The following PIK3CD variants were observed in gnomAD, a reference collection of about 807,000 sequenced individuals.
The protein encoded by PIK3CD is phosphatidylinositol 4,5-bisphosphate 3-kinase catalytic subunit delta isoform.
PIK3CD carries 20 observed loss-of-function variants against 122.9 expected under a neutral mutation model. The ratio of observed to expected loss-of-function variants is 0.16; its 90% CI spans 0.11 to 0.24. The LOEUF is 0.24. PIK3CD is among the 10% of genes least tolerant of loss of function. The pLI, the probability that PIK3CD is intolerant of heterozygous loss-of-function variation, is 1.00. For missense variants in PIK3CD, 787 were observed against 1,406.3 expected, an observed-to-expected ratio of 0.56 and a Z score of 7.04; for synonymous variants, 596 against 593.4, an observed-to-expected ratio of 1.00 and a Z score of -0.06.
chr1:9,678,585 G>A (rs944165849), intron 1 of PIK3CD, among the ~76,000 whole-genome samples: 2 of 152,156 alleles, frequency 1.3e-5, no homozygotes, highest in African/African-American at 4.8e-5. Context: ...TCCAGAAAAA[G>A]GCTCTTTCAT....
At position 9,720,323 on chromosome 1, in the gene PIK3CD, T is replaced by C; in HGVS notation, c.1470+81T>C. Reference sequence around the variant, plus strand: ...CCTGCTCCTGGAGCTCTTCAGAGGGTGCTCCCTGGCCACGTCGGGGCTGGG... The same window carrying C: ...CCTGCTCCTGGAGCTCTTCAGAGGGCGCTCCCTGGCCACGTCGGGGCTGGG... On this transcript the variant is annotated intron_variant, in intron 11 of 23. Coordinates refer to ENST00000377346, the MANE Select transcript of PIK3CD (RefSeq NM_005026.5). This position sits in a 1 kb window ranked among gnomAD's most constrained non-coding sequence, Gnocchi z 9.0. 6.6e-7 allele frequency: 1 copy of C among 1,516,262 alleles called. No individual in the cohort carries two copies. The highest frequency in any genetic ancestry group is 8.9e-7 in the Non-Finnish European group (1 of 1,123,384). 93.9% of individuals were successfully genotyped at this position (1,516,262 alleles called of 1,614,324 possible). A position where few individuals can be genotyped will look rare whatever the true frequency, so the allele number is the denominator to read the frequency against.
chr1:9,697,063 C>CAAA (rs60416744), intron 2 of PIK3CD, among the ~76,000 whole-genome samples: 2 of 76,980 alleles, frequency 2.6e-5, no homozygotes, highest in Non-Finnish European at 2.8e-5. Flanking sequence ...GATCCTGTCT[C>CAAA]AAAAAAAAAA....
chr1:9,629,985 G>A, the PIK3CD span, among the ~76,000 whole-genome samples: 3 of 152,232 alleles, frequency 2.0e-5, no homozygotes, highest in East Asian at 5.8e-4. Context: ...AGGCGCCCAG[G>A]ACACCACGAG....
chr1:9,636,647 T>G, the PIK3CD span, among the ~76,000 whole-genome samples: 3,903 of 152,308 alleles, frequency 0.026, 148 homozygotes, highest in African/African-American at 0.086. Context: ...AGGCAGCGGC[T>G]GGCCCTCCAG....
At chr1:9,659,039 A>G (rs2100795043) in intron 1 of PIK3CD, among the ~76,000 whole-genome samples, 1 of 152,314 alleles carries the variant, frequency 6.6e-6, no homozygotes, top group Non-Finnish European at 1.5e-5. Flanking sequence ...CTCTAGCCCA[A>G]CACAGCGGTT....
the PIK3CD span, among the ~76,000 whole-genome samples, chr1:9,645,270 C>T: frequency 5.3e-5 from 8 of 151,808 alleles, no homozygotes; most frequent in African/African-American, 1.5e-4. Flanking sequence ...CCACCTGCCT[C>T]GGCCTCCCAA....
the PIK3CD span, among the ~76,000 whole-genome samples, chr1:9,641,663 G>A: frequency 1.3e-5 from 2 of 152,034 alleles, no homozygotes; most frequent in Non-Finnish European, 2.9e-5. Context: ...TCAAGTATAA[G>A]GGGCACCATC....
In PIK3CD at chr1:9,721,658, C is replaced by T. The variant is rs1240789541; in HGVS notation, c.1955+71C>T. On this transcript the variant is annotated intron_variant, in intron 15 of 23. Coordinates refer to ENST00000377346, the MANE Select transcript of PIK3CD (RefSeq NM_005026.5). ...AGTCTCCCTGGAAGGCCACTGGGGA[C>T]GTTTCCAGCAGGCCTGGGTGTCCTG... is the stretch of plus-strand genomic sequence containing the variant. 41 of 1,607,584 alleles carry T rather than the reference C, an allele frequency of 2.6e-5. No individual in the cohort carries two copies. The East Asian group carries it at 3.6e-4, about 14-fold the overall frequency.
At chr1:9,713,852 A>G (rs1163379303) in intron 3 of PIK3CD, among the ~76,000 whole-genome samples, 2 of 128,080 alleles carry the variant, frequency 1.6e-5, no homozygotes, top group Admixed American at 1.6e-4. Context: ...TTATTTTTAT[A>G]CTTTTTTTTT....
At chr1:9,712,556 C>T (rs1352169832) in intron 3 of PIK3CD, among the ~76,000 whole-genome samples, 1 of 152,080 alleles carries the variant, frequency 6.6e-6, no homozygotes, top group Admixed American at 6.5e-5. Flanking sequence ...GCTGGGATTA[C>T]AGCCGTGAGC....
rs199710909 is a variant in PIK3CD, at chr1:9,724,446, A to G, written c.2864+25A>G. The G allele has an allele frequency of 2.1e-5, 34 of 1,613,610 alleles. No individual in the cohort carries two copies. Among genetic ancestry groups the G allele is most frequent in the Non-Finnish European group, 2.7e-5 (32 of 1,179,882 alleles). On this transcript the variant is annotated intron_variant, in intron 22 of 23. Transcript: ENST00000377346. This position sits in a 1 kb window ranked among gnomAD's most constrained non-coding sequence, Gnocchi z 7.3. ...GGTGAGAGTGCCTGAGCCCCACCAG[A>G]TGCCCCTCGGTGTGGGGCCCCAGGG...
In PIK3CD at chr1:9,727,436, C is replaced by T. The variant is rs755463400; in HGVS notation, c.*390C>T. On this transcript the variant is annotated 3_prime_UTR_variant, in exon 24 of 24. Transcript: ENST00000377346. ...CTGGCGGTCACCTGGTGCCTACTGT[C>T]CGACAGGATGCCTTGATCCTCGTGC... is the stretch of plus-strand genomic sequence containing the variant. 2.4e-6 allele frequency: 1 copy of T among 408,234 alleles called. No homozygotes were observed. The highest frequency in any genetic ancestry group is 4.6e-6 in the Non-Finnish European group (1 of 215,772). 25.3% of individuals were successfully genotyped at this position (408,234 alleles called of 1,614,324 possible).
chr1:9,705,185 A>G (rs1297180020), intron 2 of PIK3CD, among the ~76,000 whole-genome samples: 1 of 151,932 alleles, frequency 6.6e-6, no homozygotes, highest in African/African-American at 2.4e-5. Context: ...ACTTCTACTC[A>G]CCAGGCTGGG....
At chr1:9,692,687 A>G (rs1273481933) in intron 2 of PIK3CD, among the ~76,000 whole-genome samples, 2 of 152,164 alleles carry the variant, frequency 1.3e-5, no homozygotes, top group African/African-American at 2.4e-5. Flanking sequence ...CCGAGATCAC[A>G]CCACTGCACT....
intron 2 of PIK3CD, among the ~76,000 whole-genome samples, chr1:9,692,429 T>TA (rs1444037899): frequency 6.6e-6 from 1 of 152,158 alleles, no homozygotes; most frequent in Non-Finnish European, 1.5e-5. Context: ...GATCTCTTTT[T>TA]AAAAATCAAA....
Position 9,718,954 on chromosome 1 carries a change from G to A in PIK3CD, c.1242+39G>A. On this transcript the variant is annotated intron_variant, in intron 9 of 23. Transcript: ENST00000377346. The surrounding 1 kb of genome is among the most constrained non-coding windows in gnomAD (Gnocchi z 7.2). ...CCGGCTGGGAGGGGTGCAGACCCCG[G>A]AGAGCCAGTACAGCCCCTTGCTGGG... 1.9e-6 allele frequency: 3 copies of A among 1,580,126 alleles called. No homozygotes were observed. Among genetic ancestry groups the A allele is most frequent in the South Asian group, 2.2e-5 (2 of 90,256 alleles).
At chr1:9,651,561 C>T (rs904331708), upstream of PIK3CD, among the ~76,000 whole-genome samples, 1 of 152,196 alleles carries the variant, frequency 6.6e-6, no homozygotes, top group Non-Finnish European at 1.5e-5. Flanking sequence ...GATGATGCCC[C>T]TCTAGCGGTA....
At position 9,689,245 on chromosome 1, in the gene PIK3CD, G is replaced by A. The variant is rs1424359882; in HGVS notation, c.-137-2222G>A. Among the ~76,000 whole-genome samples, 1 of 152,218 alleles carries A rather than the reference G, an allele frequency of 6.6e-6. No individual in the cohort carries two copies. Among genetic ancestry groups the A allele is most frequent in the Non-Finnish European group, 1.5e-5 (1 of 68,034 alleles). ...AACCTAGGCCAGAGCCAGCGTGCGC[G>A]CGCCGTCGGGGTCCCGCGGCTGCTC... On this transcript the variant is annotated intron_variant, in intron 1 of 23. Coordinates refer to ENST00000377346, the MANE Select transcript of PIK3CD (RefSeq NM_005026.5). The surrounding 1 kb of genome is among the most constrained non-coding windows in gnomAD (Gnocchi z 6.1).
At position 9,713,693 on chromosome 1, in the gene PIK3CD, C is replaced by T. The variant is rs114394722; in HGVS notation, c.142-1848C>T. On this transcript the variant is annotated intron_variant, in intron 3 of 23. Coordinates refer to ENST00000377346, the MANE Select transcript of PIK3CD (RefSeq NM_005026.5). ...GCAGCCTTGACATCCTGGGCCCAAG[C>T]GATCTTCCCATCTTAGCCTACTGAG... Among the ~76,000 whole-genome samples the T allele has an allele frequency of 6.1e-3, 934 of 152,048 alleles. 14 individuals carry two copies. Among genetic ancestry groups the T allele is most frequent in the African/African-American group, 0.021 (886 of 41,442 alleles).
Sources: allele counts gnomAD v4.1 joint callset (sites outside exome capture counted in the v4.1 genomes callset), GRCh38; gene constraint gnomAD v4.1.1; non-coding constraint Gnocchi (gnomAD v3.1); transcripts MANE v1.5; gene names NCBI Gene and HGNC (gene_info 2026-07-23, HGNC 2026-07-21).